The following KRABD2 variants were observed in gnomAD, a reference collection of about 807,000 sequenced individuals.
KRABD2 encodes KRAB domain-containing protein 2.
chr17:8,363,850 T>TATATG, the KRABD2 span, among the ~76,000 whole-genome samples: 1 of 89,878 alleles, frequency 1.1e-5, no homozygotes, highest in African/African-American at 4.1e-5. Context: ...TATATATATA[T>TATATG]ATATATATAT....
At chr17:8,369,726 G>T in the KRABD2 span, 1 of 1,614,200 alleles carries the variant, frequency 6.2e-7, no homozygotes, top group Admixed American at 1.7e-5. Context: ...GGTTCTTAAT[G>T]GCCGTAAAAT....
At chr17:8,374,175 C>G in the KRABD2 span, among the ~76,000 whole-genome samples, 3 of 152,126 alleles carry the variant, frequency 2.0e-5, no homozygotes, top group Non-Finnish European at 4.4e-5. Context: ...GCGGTTGTGT[C>G]GAATAGAAAA....
the KRABD2 span, chr17:8,369,350 A>C: frequency 6.2e-7 from 1 of 1,614,128 alleles, no homozygotes; most frequent in South Asian, 1.1e-5. Flanking sequence ...AGTTTGAGGA[A>C]TATAGCCCAA....
chr17:8,362,366 T>A, the KRABD2 span, among the ~76,000 whole-genome samples: 1 of 152,076 alleles, frequency 6.6e-6, no homozygotes, highest in Non-Finnish European at 1.5e-5. The surrounding 1 kb of genome is among the most constrained non-coding windows in gnomAD (Gnocchi z 4.2). Context: ...AGCTCAATAC[T>A]AATACTGTAG....
the KRABD2 span, chr17:8,372,090 C>CA: frequency 3.0e-6 from 3 of 985,288 alleles, no homozygotes; most frequent in South Asian, 1.4e-4. This position sits in a 1 kb window ranked among gnomAD's most constrained non-coding sequence, Gnocchi z 4.1. Flanking sequence ...TCCTGAGAAG[C>CA]AGAGAAAGAT....
At chr17:8,363,745 T>A in the KRABD2 span, among the ~76,000 whole-genome samples, 8 of 149,138 alleles carry the variant, frequency 5.4e-5, no homozygotes, top group African/African-American at 2.0e-4. Context: ...CAAACATCTT[T>A]TTTCATACAT....
chr17:8,366,320 TACTC>T, the KRABD2 span, among the ~76,000 whole-genome samples: 1 of 152,108 alleles, frequency 6.6e-6, no homozygotes, highest in Non-Finnish European at 1.5e-5. Context: ...CAGTCATCCT[TACTC>T]TGAATCATGG....
At chr17:8,371,166 T>G in the KRABD2 span, 3 of 699,338 alleles carry the variant, frequency 4.3e-6, no homozygotes, top group East Asian at 8.2e-5. Flanking sequence ...CGAGACTGTT[T>G]CAAAAAAAAA....
chr17:8,368,914 G>A, the KRABD2 span: 1 of 704,184 alleles, frequency 1.4e-6, no homozygotes, highest in South Asian at 2.4e-5. Flanking sequence ...TGGGATTACG[G>A]GCATGAGCGC....
At chr17:8,368,948 T>A in the KRABD2 span, 1 of 1,078,700 alleles carries the variant, frequency 9.3e-7, no homozygotes, top group African/African-American at 1.6e-5. Context: ...GTTGTGGTAA[T>A]TTTTTATGGC....
At chr17:8,375,866 T>G in the KRABD2 span, 1 of 1,223,576 alleles carries the variant, frequency 8.2e-7, no homozygotes, top group Non-Finnish European at 1.0e-6. Context: ...AAACTGGAAA[T>G]ATTTCCAAAG....
the KRABD2 span, among the ~76,000 whole-genome samples, chr17:8,375,524 C>T: frequency 7.6e-6 from 1 of 131,628 alleles, no homozygotes; most frequent in Admixed American, 8.4e-5. Context: ...CTTTCAATAT[C>T]TTTTTTCTTT....
chr17:8,363,171 A>G, the KRABD2 span, among the ~76,000 whole-genome samples: 1 of 152,188 alleles, frequency 6.6e-6, no homozygotes, highest in South Asian at 2.1e-4. Context: ...CATTAATAGA[A>G]CTAGTGGAAT....
At chr17:8,376,124 G>A in the KRABD2 span, 28 of 1,231,542 alleles carry the variant, frequency 2.3e-5, no homozygotes, top group Non-Finnish European at 2.7e-5. Flanking sequence ...AGGGACGGAG[G>A]CTTCTACCTG....
At chr17:8,368,056 C>T in the KRABD2 span, among the ~76,000 whole-genome samples, 1,775 of 149,448 alleles carry the variant, frequency 0.012, 31 homozygotes, top group Admixed American at 0.052. Flanking sequence ...AGTTTGAGAC[C>T]AGCCTGGGCA....
the KRABD2 span, among the ~76,000 whole-genome samples, chr17:8,374,672 C>G: frequency 6.8e-6 from 1 of 146,404 alleles, no homozygotes; most frequent in Non-Finnish European, 1.5e-5. Flanking sequence ...TTCGGCCGGG[C>G]GTGGGGGCTC....
chr17:8,372,373 T>A, the KRABD2 span, among the ~76,000 whole-genome samples: 1 of 152,210 alleles, frequency 6.6e-6, no homozygotes. This position sits in a 1 kb window ranked among gnomAD's most constrained non-coding sequence, Gnocchi z 4.1. Flanking sequence ...TTCTTTTTCT[T>A]TTTTTGTATT....
the KRABD2 span, among the ~76,000 whole-genome samples, chr17:8,360,484 C>T: frequency 1.3e-5 from 2 of 151,986 alleles, no homozygotes; most frequent in Non-Finnish European, 2.9e-5. Context: ...ATGTCAGAAC[C>T]TGGGTAAACA....
At chr17:8,370,955 G>C in the KRABD2 span, among the ~76,000 whole-genome samples, 1 of 152,128 alleles carries the variant, frequency 6.6e-6, no homozygotes, top group East Asian at 1.9e-4. Context: ...GATCACTTGA[G>C]GTCAGGAGTT....
Sources: allele counts gnomAD v4.1 joint callset (sites outside exome capture counted in the v4.1 genomes callset), GRCh38; gene constraint gnomAD v4.1.1; non-coding constraint Gnocchi (gnomAD v3.1); transcripts MANE v1.5; gene names NCBI Gene and HGNC (gene_info 2026-07-23, HGNC 2026-07-21).